COL5A2: variants seen among roughly 807,000 people sequenced by gnomAD.
The protein encoded by COL5A2 is collagen type V alpha 2 chain, also known as collagen alpha-2(V) chain.
COL5A2 carries 23 observed loss-of-function variants against 208.2 expected under a neutral mutation model. The observed-to-expected ratio is 0.11, with a 90% CI of 0.08 to 0.16. COL5A2 has a LOEUF of 0.16. Among genes scored for constraint, COL5A2 ranks in the 10% least tolerant of loss-of-function variants. COL5A2 has a pLI of 1.00. For missense variants in COL5A2, 1,590 were observed against 1,956.4 expected (o/e 0.81, Z 3.53); for synonymous variants, 625 against 628.5 (o/e 0.99, Z 0.08).
intron 42 of COL5A2, 50 bp downstream of exon 42, chr2:189,051,270 T>C (rs768406950): frequency 1.2e-6 from 2 of 1,611,656 alleles, no homozygotes; most frequent in African/African-American, 2.7e-5. Context: ...GGGTTTCTAT[T>C]TGTAAATATC....
At chr2:189,382,879 G>T in the COL5A2 span, among the ~76,000 whole-genome samples, 1 of 152,104 alleles carries the variant, frequency 6.6e-6, no homozygotes, top group Non-Finnish European at 1.5e-5. Flanking sequence ...GGGCAGGGAG[G>T]ATGTTACATA....
the COL5A2 span, among the ~76,000 whole-genome samples, chr2:189,304,409 T>C: frequency 6.6e-6 from 1 of 152,188 alleles, no homozygotes; most frequent in African/African-American, 2.4e-5. Flanking sequence ...AGATAATTTA[T>C]AAAGAAAAGA....
At chr2:189,181,066 T>C (rs1479934484), upstream of COL5A2, among the ~76,000 whole-genome samples, 1 of 152,098 alleles carries the variant, frequency 6.6e-6, no homozygotes, top group Non-Finnish European at 1.5e-5. Flanking sequence ...AAACTAAATT[T>C]ACAAGAAATA....
In COL5A2 at chr2:189,051,461, T is replaced by G. The variant is rs1007136325; in HGVS notation, c.2790A>C (p.Gly930=). 2 of 1,608,922 alleles carry G rather than the reference T, an allele frequency of 1.2e-6. No homozygotes were observed. The highest frequency in any genetic ancestry group is 2.7e-5 in the African/African-American group (2 of 74,536). Residue 930 remains glycine, a synonymous_variant, in exon 42 of 54, where the codon GGA becomes GGC. Transcript: ENST00000374866. ...PGPAGAPGPA[G]PLGEPGKEGP... ...CCTCCTTCCCGGGTTCCCCTAGGGG[T>G]CCCGCAGGTCCTGGAGCTCCCTAGT...
chr2:189,424,149 T>G, the COL5A2 span, among the ~76,000 whole-genome samples: 1 of 152,122 alleles, frequency 6.6e-6, no homozygotes, highest in African/African-American at 2.4e-5. Context: ...TTTAACATAT[T>G]TTAATGATTA....
At chr2:189,239,124 T>C in the COL5A2 span, among the ~76,000 whole-genome samples, 1 of 152,098 alleles carries the variant, frequency 6.6e-6, no homozygotes, top group African/African-American at 2.4e-5. Flanking sequence ...AACTACCAGA[T>C]ATTCAATTCT....
chr2:189,054,690 CTTTTTTTTTTTTT>C (rs58380313), intron 35 of COL5A2, among the ~76,000 whole-genome samples: 2 of 113,554 alleles, frequency 1.8e-5, no homozygotes, highest in African/African-American at 6.7e-5. Flanking sequence ...GTGTTTTTTC[CTTTTTTTTTTTTT>C]TTTTTTTTGG....
At chr2:189,357,093 C>T in the COL5A2 span, among the ~76,000 whole-genome samples, 1 of 152,298 alleles carries the variant, frequency 6.6e-6, no homozygotes, top group Admixed American at 6.5e-5. Flanking sequence ...GCTATCTGTT[C>T]CTTCCTCTGG....
chr2:189,036,509 T>C, intron 52 of COL5A2, 107 bp downstream of exon 52: 1 of 880,976 alleles, frequency 1.1e-6, no homozygotes, highest in South Asian at 1.7e-5. Context: ...ATAAACATGG[T>C]AAAATAAGCC....
the COL5A2 span, among the ~76,000 whole-genome samples, chr2:189,428,865 C>T: frequency 0.013 from 1,947 of 152,276 alleles, 52 homozygotes; most frequent in African/African-American, 0.044. Flanking sequence ...TGGCCTAATA[C>T]ACCACATGAT....
chr2:189,418,171 A>G, the COL5A2 span, among the ~76,000 whole-genome samples: 1 of 152,230 alleles, frequency 6.6e-6, no homozygotes, highest in Admixed American at 6.5e-5. Context: ...AAGAAGAAAA[A>G]AAATGACATG....
upstream of COL5A2, among the ~76,000 whole-genome samples, chr2:189,227,367 T>C (rs898712118): frequency 6.6e-6 from 1 of 152,118 alleles, no homozygotes; most frequent in African/African-American, 2.4e-5. Flanking sequence ...CAATAAGTTC[T>C]CCTCTATCAG....
At chr2:189,176,234 G>A (rs752998452) in intron 1 of COL5A2, among the ~76,000 whole-genome samples, 3 of 152,178 alleles carry the variant, frequency 2.0e-5, no homozygotes, top group African/African-American at 4.8e-5. Flanking sequence ...CATGATGGCT[G>A]TAAATTCATG....
In COL5A2 at chr2:189,078,567, A is replaced by G. The variant is rs751477421; in HGVS notation, c.1008T>C (p.Gly336=). The G allele has an allele frequency of 6.2e-6, 10 of 1,612,114 alleles. No homozygotes were observed. In the South Asian group the frequency reaches 1.1e-4, roughly 18 times the overall value. ...TGPMGAMGPL[G]PRGMPGERGR... is the part of the protein sequence containing the mutation. ...CTCTCTCTCCTGGCATTCCCCTCGG[A>G]CCCTATAGACGATAGAGAAGAAATG... is the stretch of plus-strand genomic sequence containing the variant. The change falls in exon 16 of 54, where the codon GGT becomes GGC. Residue 336 remains glycine, a splice_region_variant and synonymous_variant. Coordinates refer to ENST00000374866, the MANE Select transcript of COL5A2 (RefSeq NM_000393.5).
chr2:189,419,031 C>A, the COL5A2 span, among the ~76,000 whole-genome samples: 1 of 152,264 alleles, frequency 6.6e-6, no homozygotes, highest in South Asian at 2.1e-4. Flanking sequence ...CCAAGGGTAA[C>A]CCACAATCAA....
At chr2:189,293,836 A>C in the COL5A2 span, among the ~76,000 whole-genome samples, 2 of 152,340 alleles carry the variant, frequency 1.3e-5, no homozygotes, top group South Asian at 4.1e-4. Flanking sequence ...CTGTAATCCC[A>C]GCACTTTGGG....
intron 1 of COL5A2, among the ~76,000 whole-genome samples, chr2:189,142,980 A>G (rs1687964486): frequency 6.6e-6 from 1 of 152,102 alleles, no homozygotes. Context: ...TTAAGTAAAT[A>G]TTTTCCACAT....
the COL5A2 span, among the ~76,000 whole-genome samples, chr2:189,440,288 G>A: frequency 6.6e-6 from 1 of 152,178 alleles, no homozygotes; most frequent in Non-Finnish European, 1.5e-5. Flanking sequence ...TATGTTCTAA[G>A]AAATGCATTT....
At chr2:189,381,325 T>C in the COL5A2 span, among the ~76,000 whole-genome samples, 1 of 152,122 alleles carries the variant, frequency 6.6e-6, no homozygotes, top group Non-Finnish European at 1.5e-5. Context: ...TTCCTTTTCT[T>C]TTGTTAAATT....
Sources: allele counts gnomAD v4.1 joint callset (sites outside exome capture counted in the v4.1 genomes callset), GRCh38; gene constraint gnomAD v4.1.1; transcripts MANE v1.5; gene names NCBI Gene and HGNC (gene_info 2026-07-23, HGNC 2026-07-21).